SPAG9: variants seen among roughly 807,000 people sequenced by gnomAD.
SPAG9 encodes sperm associated antigen 9, also known as C-Jun-amino-terminal kinase-interacting protein 4.
A neutral mutation model predicts 166.5 loss-of-function variants in SPAG9; 35 were observed. The observed-to-expected ratio is 0.21, with a 90% CI of 0.16 to 0.28. The LOEUF (loss-of-function observed/expected upper bound fraction) is 0.28. Ranked by LOEUF, SPAG9 falls within the 10% of genes least tolerant of loss-of-function variation. The pLI is 1.00. For synonymous variants in SPAG9, 534 were observed against 565.5 expected (o/e 0.94, Z 0.79); for missense variants, 1,235 against 1,603.3 (o/e 0.77, Z 3.92).
Position 50,964,779 on chromosome 17 carries a change from G to T in SPAG9, c.*1493C>A, listed in dbSNP as rs1013943704. The T allele has an allele frequency of 1.1e-5, 5 of 442,712 alleles. No individual in the cohort carries two copies. Among genetic ancestry groups the T allele is most frequent in the African/African-American group, 1.0e-4 (5 of 49,090 alleles). The allele number at this position is 442,712 out of a possible 1,614,324, so 27.4% of individuals were successfully genotyped here. On this transcript the variant is annotated 3_prime_UTR_variant, in exon 30 of 30. Coordinates refer to ENST00000262013, the MANE Select transcript of SPAG9 (RefSeq NM_001130528.3). ...GCTTGTTTGTCTGTTTTGAGACAGG[G>T]TCTTGCTCCGTCACCCAGGCTGGAG...
At chr17:51,085,128 G>A (rs993404008) in intron 1 of SPAG9, among the ~76,000 whole-genome samples, 6 of 152,104 alleles carry the variant, frequency 3.9e-5, no homozygotes, top group South Asian at 2.1e-4. Flanking sequence ...GATTACAGGC[G>A]TAAGCCACCG....
chr17:50,981,817 G>A (rs1009769149), intron 25 of SPAG9, among the ~76,000 whole-genome samples: 5 of 151,708 alleles, frequency 3.3e-5, no homozygotes, highest in African/African-American at 1.2e-4. Flanking sequence ...GGATCACGAG[G>A]TTGGGAGTTC....
intron 1 of SPAG9, among the ~76,000 whole-genome samples, chr17:51,091,608 A>G (rs999168895): frequency 4.6e-5 from 7 of 152,038 alleles, no homozygotes; most frequent in African/African-American, 1.4e-4. Context: ...TATGAAACGC[A>G]CATACTCCTC....
chr17:51,091,065 C>T (rs1320482434), intron 1 of SPAG9, among the ~76,000 whole-genome samples: 2 of 151,632 alleles, frequency 1.3e-5, no homozygotes, highest in Non-Finnish European at 2.9e-5. Context: ...AGTTCGACAC[C>T]AGCCTGGGCA....
chr17:51,040,811 C>A (rs565548036), intron 5 of SPAG9, among the ~76,000 whole-genome samples: 3 of 152,078 alleles, frequency 2.0e-5, no homozygotes, highest in Admixed American at 6.5e-5. Flanking sequence ...TTGCAGGTGG[C>A]CTGTTTCATG....
At chr17:51,096,149 C>T (rs371053982) in intron 1 of SPAG9, among the ~76,000 whole-genome samples, 12 of 149,798 alleles carry the variant, frequency 8.0e-5, no homozygotes, top group African/African-American at 2.2e-4. Context: ...AGTTCGAGAC[C>T]GGCCTTGTCA....
At chr17:51,009,124 T>C in intron 9 of SPAG9, 1 of 450,896 alleles carries the variant, frequency 2.2e-6, no homozygotes, top group Non-Finnish European at 4.5e-6. Flanking sequence ...TTCAAAATCA[T>C]ACACACCAGA....
chr17:51,037,685 AGTGTGTGTGTG>A (rs1380339884), intron 5 of SPAG9, among the ~76,000 whole-genome samples: 2 of 83,492 alleles, frequency 2.4e-5, no homozygotes, highest in African/African-American at 7.8e-5. Flanking sequence ...ATATATATAT[AGTGTGTGTGTG>A]TGTGTGTGTG....
chr17:51,002,585 G>C (rs2045005139), intron 12 of SPAG9, among the ~76,000 whole-genome samples: 1 of 151,954 alleles, frequency 6.6e-6, no homozygotes, highest in Admixed American at 6.6e-5. Flanking sequence ...TTTGAGACCA[G>C]CCTGGGCAAC....
chr17:51,034,255 CA>C (rs1347902562), intron 5 of SPAG9, among the ~76,000 whole-genome samples: 13 of 152,212 alleles, frequency 8.5e-5, no homozygotes, highest in African/African-American at 2.6e-4. Flanking sequence ...CACACTAATA[CA>C]AAATTCTATA....
chr17:51,120,814 G>A lies in SPAG9; in HGVS notation c.-158C>T. 2.0e-6 allele frequency: 1 copy of A among 488,052 alleles called. No homozygotes were observed. The highest frequency in any genetic ancestry group is 3.4e-6 in the Non-Finnish European group (1 of 296,616). The allele number at this position is 488,052 out of a possible 1,614,324, so 30.2% of individuals were successfully genotyped here. A position where few individuals can be genotyped will look rare whatever the true frequency, so the allele number is the denominator to read the frequency against. On this transcript the variant is annotated 5_prime_UTR_variant, in exon 1 of 30. Transcript: ENST00000262013. The surrounding 1 kb of genome is among the most constrained non-coding windows in gnomAD (Gnocchi z 4.7). ...CGGCGGGGTGGGGGCCGGGGCCGGA[G>A]GAGGGGAGGGGTGGCGTAGGCGCTC...
At chr17:50,996,912 G>A (rs1194524660) in intron 15 of SPAG9, among the ~76,000 whole-genome samples, 1 of 152,314 alleles carries the variant, frequency 6.6e-6, no homozygotes, top group South Asian at 2.1e-4. Flanking sequence ...GGCCGAGGAG[G>A]GCAGATAGCC....
chr17:51,066,286 T>A (rs2047662114), intron 2 of SPAG9, among the ~76,000 whole-genome samples: 1 of 151,980 alleles, frequency 6.6e-6, no homozygotes. Context: ...AATTTTTTGA[T>A]TTTTTGTAGA....
chr17:51,019,767 G>C (rs896518444), intron 8 of SPAG9, among the ~76,000 whole-genome samples: 3 of 150,422 alleles, frequency 2.0e-5, no homozygotes, highest in Non-Finnish European at 4.4e-5. Context: ...GAGGAGAATT[G>C]CTTGAACCTG....
chr17:50,999,813 C>T (rs1597955439), intron 13 of SPAG9, 96 bp from the exon 14 acceptor site: 1 of 939,848 alleles, frequency 1.1e-6, no homozygotes, highest in South Asian at 1.4e-5. Flanking sequence ...ATGGGATACA[C>T]AGAGGGGAGT....
intron 1 of SPAG9, among the ~76,000 whole-genome samples, chr17:51,087,844 T>C (rs2048343129): frequency 6.6e-6 from 1 of 152,218 alleles, no homozygotes. Flanking sequence ...CAAGCGATCC[T>C]CCCACCTCAG....
chr17:50,978,554 G>C (rs950617933), intron 26 of SPAG9, among the ~76,000 whole-genome samples: 1 of 152,274 alleles, frequency 6.6e-6, no homozygotes, highest in East Asian at 1.9e-4. Flanking sequence ...GTCTGTAGGG[G>C]AGAGATTATA....
rs968966286 is a variant in SPAG9, at chr17:50,982,435, T to C, written c.3237+89A>G. ...CTAAAACACACAGATCCAGAAACAA[T>C]TTCTAAAGAAGCTGAAAATAATTAT... On this transcript the variant is annotated intron_variant, in intron 25 of 29. Transcript: ENST00000262013. 10 of 1,256,378 alleles carry C rather than the reference T, an allele frequency of 8.0e-6. No homozygotes were observed. In the East Asian group the frequency reaches 1.7e-4, roughly 21 times the overall value. The allele number at this position is 1,256,378 out of a possible 1,614,324, so 77.8% of individuals were successfully genotyped here.
At chr17:51,093,938 T>G (rs923249497) in intron 1 of SPAG9, among the ~76,000 whole-genome samples, 2 of 152,008 alleles carry the variant, frequency 1.3e-5, no homozygotes, top group Non-Finnish European at 2.9e-5. Flanking sequence ...CAACCAGAAA[T>G]TTTAGACTAG....
Sources: allele counts gnomAD v4.1 joint callset (sites outside exome capture counted in the v4.1 genomes callset), GRCh38; gene constraint gnomAD v4.1.1; non-coding constraint Gnocchi (gnomAD v3.1); transcripts MANE v1.5; gene names NCBI Gene and HGNC (gene_info 2026-07-23, HGNC 2026-07-21).